JARID2: variants seen among roughly 807,000 people sequenced by gnomAD.
The protein encoded by JARID2 is jumonji and AT-rich interaction domain containing 2.
A neutral mutation model predicts 125.6 loss-of-function variants in JARID2; 21 were observed. The ratio of observed to expected loss-of-function variants is 0.17; its 90% CI spans 0.12 to 0.24. The LOEUF is 0.24. JARID2 is among the 10% of genes least tolerant of loss of function. The pLI is 1.00. For synonymous variants in JARID2, 736 were observed against 661.6 expected (o/e 1.11, Z -1.73); for missense variants, 1,303 against 1,639.6 (o/e 0.79, Z 3.55).
rs889194767 is a variant in JARID2, at chr6:15,246,279, A to G, written c.-261A>G. The G allele has an allele frequency of 2.0e-5, 11 of 549,302 alleles. No individual in the cohort carries two copies. Among genetic ancestry groups the G allele is most frequent in the African/African-American group, 2.0e-4 (10 of 50,888 alleles). 34.0% of individuals were successfully genotyped at this position (549,302 alleles called of 1,614,324 possible). ...GTGTGTGTGTATGTGTTTCGGGGGA[A>G]ATTTTCCATTATGAGTGTTTTACTA... On this transcript the variant is annotated 5_prime_UTR_variant, in exon 1 of 18. Transcript: ENST00000341776.
chr6:15,378,559 G>A (rs1764459200), intron 2 of JARID2, among the ~76,000 whole-genome samples: 3 of 152,160 alleles, frequency 2.0e-5, no homozygotes, highest in Non-Finnish European at 2.9e-5. Context: ...ACTGTTAGAT[G>A]TGGTAGTGAC....
At chr6:15,477,510 T>TG (rs1769403487) in intron 5 of JARID2, among the ~76,000 whole-genome samples, 1 of 148,890 alleles carries the variant, frequency 6.7e-6, no homozygotes, top group Non-Finnish European at 1.5e-5. Context: ...GTTGGTTTTT[T>TG]TTTTTTTTTT....
chr6:15,375,009 G>A (rs1209266814), intron 2 of JARID2, among the ~76,000 whole-genome samples: 1 of 152,222 alleles, frequency 6.6e-6, no homozygotes, highest in Non-Finnish European at 1.5e-5. Flanking sequence ...AAGGAGATGA[G>A]AAAGAGCAGG....
At chr6:15,483,328 A>G (rs530978892) in intron 5 of JARID2, among the ~76,000 whole-genome samples, 20 of 151,868 alleles carry the variant, frequency 1.3e-4, no homozygotes, top group South Asian at 6.2e-4. Flanking sequence ...AGGGGCCATG[A>G]TTCAGTCATA....
In JARID2 at chr6:15,511,344, C is replaced by T. The variant is rs749508124; in HGVS notation, c.2895C>T (p.His965=). ...AGAACAAGCTGGAAGATGTGGTCCA[C>T]ACCCTGCTGCAAGCCAATGGCACCC... ...EEENKLEDVV[H]TLLQANGTPG... Residue 965 remains histidine, a synonymous_variant, in exon 13 of 18, where the codon CAC becomes CAT. Coordinates refer to ENST00000341776, the MANE Select transcript of JARID2 (RefSeq NM_004973.4). 69 of 1,613,902 alleles carry T rather than the reference C, an allele frequency of 4.3e-5. No homozygotes were observed. Among genetic ancestry groups the T allele is most frequent in the East Asian group, 4.5e-5 (2 of 44,892 alleles).
chr6:15,510,652 T>A (rs535798755), intron 12 of JARID2, among the ~76,000 whole-genome samples: 55 of 152,304 alleles, frequency 3.6e-4, no homozygotes, highest in Admixed American at 8.5e-4. Context: ...CCGGGTAGGC[T>A]GGGTCCTAAC....
chr6:15,299,611 G>T (rs1761532646), intron 1 of JARID2, among the ~76,000 whole-genome samples: 1 of 152,130 alleles, frequency 6.6e-6, no homozygotes, highest in African/African-American at 2.4e-5. Flanking sequence ...GCCAGTTAGG[G>T]GGAAATAAGA....
chr6:15,248,933 C>T (rs1219814716), intron 1 of JARID2: 2 of 985,828 alleles, frequency 2.0e-6, no homozygotes, highest in Non-Finnish European at 2.4e-6. Flanking sequence ...CGGCCTCTGC[C>T]TTCCGCTCCG....
At position 15,479,544 on chromosome 6, in the gene JARID2, G is replaced by A. The variant is rs367910995; in HGVS notation, c.671-7763G>A. 3.4e-4 allele frequency among the ~76,000 whole-genome samples: 52 copies of A among 152,314 alleles called. No individual in the cohort carries two copies. In the South Asian group the frequency reaches 0.01, roughly 30 times the overall value. Reference sequence around the variant, plus strand: ...GAATTTAAGTTCTTCTATAGAAAAGGAAGAAGATGTGATTGGCTTTAAACA... The same window carrying A: ...GAATTTAAGTTCTTCTATAGAAAAGAAAGAAGATGTGATTGGCTTTAAACA... On this transcript the variant is annotated intron_variant, in intron 5 of 17. Coordinates refer to ENST00000341776, the MANE Select transcript of JARID2 (RefSeq NM_004973.4).
chr6:15,506,114 A>G (rs1296036860), intron 9 of JARID2, among the ~76,000 whole-genome samples: 1 of 152,258 alleles, frequency 6.6e-6, no homozygotes, highest in Non-Finnish European at 1.5e-5. Context: ...GAGATTTGCT[A>G]GAATTTAAAC....
intron 1 of JARID2, among the ~76,000 whole-genome samples, chr6:15,308,342 A>C (rs1414136651): frequency 6.6e-6 from 1 of 152,228 alleles, no homozygotes; most frequent in Non-Finnish European, 1.5e-5. Context: ...GGCCAGATTC[A>C]AAGGCCATCT....
chr6:15,515,761 AAAC>A (rs776273092), intron 16 of JARID2, among the ~76,000 whole-genome samples: 242 of 150,240 alleles, frequency 1.6e-3, no homozygotes, highest in Middle Eastern at 3.4e-3. Flanking sequence ...TAAAAAAAAA[AAAC>A]AAAAACAAAA....
intron 4 of JARID2, among the ~76,000 whole-genome samples, chr6:15,453,082 T>A (rs993326483): frequency 6.6e-6 from 1 of 152,226 alleles, no homozygotes; most frequent in African/African-American, 2.4e-5. Flanking sequence ...CTCAATACAT[T>A]AGTGTGTCTT....
intron 4 of JARID2, among the ~76,000 whole-genome samples, chr6:15,453,431 G>A (rs1768009574): frequency 6.6e-6 from 1 of 152,242 alleles, no homozygotes; most frequent in Non-Finnish European, 1.5e-5. Context: ...CACAAGGGAA[G>A]TGATTCCTCC....
chr6:15,377,924 T>C (rs557030327), intron 2 of JARID2, among the ~76,000 whole-genome samples: 4 of 151,188 alleles, frequency 2.6e-5, no homozygotes, highest in African/African-American at 4.9e-5. Flanking sequence ...TTTCCCTCTG[T>C]TGCCTGGCTG....
intron 2 of JARID2, among the ~76,000 whole-genome samples, chr6:15,393,456 A>G (rs139463843): frequency 2.0e-5 from 3 of 152,336 alleles, no homozygotes; most frequent in Non-Finnish European, 4.4e-5. Flanking sequence ...GATTGACTCT[A>G]CTTCTGTGCT....
intron 4 of JARID2, among the ~76,000 whole-genome samples, chr6:15,459,959 ACT>A: frequency 6.6e-6 from 1 of 152,226 alleles, no homozygotes; most frequent in East Asian, 1.9e-4. Flanking sequence ...AGGAAATCAC[ACT>A]GTCTCCAGTG....
At chr6:15,447,485 A>T (rs1390992505) in intron 3 of JARID2, among the ~76,000 whole-genome samples, 1 of 152,224 alleles carries the variant, frequency 6.6e-6, no homozygotes, top group Non-Finnish European at 1.5e-5. Flanking sequence ...AGGAAGGCCC[A>T]TCCTGACTAC....
chr6:15,371,825 G>A lies in JARID2; in HGVS notation c.46-2292G>A, dbSNP rs183186114. On this transcript the variant is annotated intron_variant, in intron 1 of 17. Coordinates refer to ENST00000341776, the MANE Select transcript of JARID2 (RefSeq NM_004973.4). ...CATGTCCGAACCCTGACCCCGTACCGTGGTCTGTGGATGTTTTGGCTGTCT... is the reference window on the plus strand; with the variant it reads ...CATGTCCGAACCCTGACCCCGTACCATGGTCTGTGGATGTTTTGGCTGTCT... 6.2e-4 allele frequency among the ~76,000 whole-genome samples: 95 copies of A among 152,314 alleles called. 4 individuals carry two copies. The East Asian group carries it at 0.012, about 20-fold the overall frequency.
Sources: gnomAD v4.1 joint callset for allele counts (sites outside exome capture counted in the v4.1 genomes callset) on GRCh38, gnomAD v4.1.1 for gene constraint, MANE v1.5 for transcripts, NCBI Gene and HGNC (gene_info 2026-07-23, HGNC 2026-07-21) for gene names.